Variants in ZFHX3 observed in about 807,000 individuals in gnomAD.
ZFHX3 encodes the protein zinc finger homeobox protein 3.
Under a neutral mutation model 279.1 loss-of-function variants are expected in ZFHX3, and 42 were observed. The ratio of observed to expected loss-of-function variants is 0.15; its 90% CI spans 0.12 to 0.19. ZFHX3 has a LOEUF of 0.19. Ranked by LOEUF, ZFHX3 falls within the 10% of genes least tolerant of loss-of-function variation. The pLI, the probability that ZFHX3 is intolerant of heterozygous loss-of-function variation, is 1.00. For missense variants in ZFHX3, 4,981 were observed against 4,754.0 expected (o/e 1.05, Z -1.40); for synonymous variants, 2,293 against 1,957.8 (o/e 1.17, Z -4.52).
chr16:73,206,793 G>T (rs1346956185), intron 5 of ZFHX3, among the ~76,000 whole-genome samples: 1 of 152,012 alleles, frequency 6.6e-6, no homozygotes, highest in African/African-American at 2.4e-5. Context: ...CGAGGCGGGT[G>T]GATCACTTGG....
At chr16:72,846,756 G>A (rs1036096166) in intron 4 of ZFHX3, among the ~76,000 whole-genome samples, 8 of 152,208 alleles carry the variant, frequency 5.3e-5, no homozygotes, top group African/African-American at 1.4e-4. Flanking sequence ...GTGCAGATAC[G>A]GATGTGGCTG....
At chr16:73,761,216 A>G (rs2053862665) in intron 1 of ZFHX3, among the ~76,000 whole-genome samples, 1 of 152,090 alleles carries the variant, frequency 6.6e-6, no homozygotes, top group South Asian at 2.1e-4. Context: ...TCAAATCATG[A>G]ATGAACTCCC....
intron 2 of ZFHX3, among the ~76,000 whole-genome samples, chr16:73,592,394 T>C (rs1291456584): frequency 1.3e-5 from 2 of 152,186 alleles, no homozygotes; most frequent in African/African-American, 4.8e-5. Flanking sequence ...TAAGATATTA[T>C]GATTGACAGT....
chr16:72,904,367 A>AAAATAAATAAAT (rs200166214), intron 3 of ZFHX3, among the ~76,000 whole-genome samples: 21 of 140,072 alleles, frequency 1.5e-4, no homozygotes, highest in East Asian at 6.3e-4. Flanking sequence ...ATTCTGTCTC[A>AAAATAAATAAAT]AAATAAATAA....
chr16:73,302,346 A>G (rs1001909728), intron 4 of ZFHX3, among the ~76,000 whole-genome samples: 1 of 151,736 alleles, frequency 6.6e-6, no homozygotes, highest in African/African-American at 2.4e-5. Context: ...CAGCAACCTT[A>G]CAGAAACTTC....
intron 1 of ZFHX3, among the ~76,000 whole-genome samples, chr16:73,694,163 A>G (rs757669090): frequency 1.3e-5 from 2 of 151,886 alleles, no homozygotes; most frequent in Non-Finnish European, 2.9e-5. Context: ...TCTCTACCAA[A>G]AATATAAAAA....
At position 73,323,038 on chromosome 16, in the gene ZFHX3, T is replaced by C. The variant is rs894410297; in HGVS notation, c.-1290-4702A>G. ...ATGAAGAGCTGCAGCGGAGACCCTG[T>C]GGCCTGTTTAAAATATTTACTCTCT... On this transcript the variant is annotated intron_variant, in intron 3 of 17. Coordinates refer to the ZFHX3 transcript ENST00000641206. Among the ~76,000 whole-genome samples the C allele has an allele frequency of 1.8e-4, 27 of 152,342 alleles. 1 individual carries two copies. The South Asian group carries it at 2.5e-3, about 14-fold the overall frequency.
At chr16:73,227,884 C>G (rs2012653321) in intron 5 of ZFHX3, among the ~76,000 whole-genome samples, 1 of 139,784 alleles carries the variant, frequency 7.2e-6, no homozygotes, top group South Asian at 2.3e-4. Flanking sequence ...GACATCGAAG[C>G]TGAAACAACA....
intron 1 of ZFHX3, among the ~76,000 whole-genome samples, chr16:73,830,271 G>A (rs896044413): frequency 6.9e-4 from 99 of 143,028 alleles, no homozygotes; most frequent in African/African-American, 2.4e-3. Flanking sequence ...GCTCGCGCAC[G>A]GTGCGCACAC....
intron 5 of ZFHX3, among the ~76,000 whole-genome samples, chr16:73,197,808 GTT>G (rs1373917342): frequency 6.6e-6 from 1 of 150,400 alleles, no homozygotes; most frequent in African/African-American, 2.4e-5. Context: ...GTGCTTTTCA[GTT>G]TATGGTTATT....
intron 2 of ZFHX3, among the ~76,000 whole-genome samples, chr16:73,573,080 A>G (rs1036624388): frequency 6.6e-6 from 1 of 152,186 alleles, no homozygotes; most frequent in Non-Finnish European, 1.5e-5. Context: ...GTATATTCAT[A>G]CAACACACCT....
chr16:73,459,604 G>T (rs1463966761), intron 2 of ZFHX3, among the ~76,000 whole-genome samples: 2 of 152,174 alleles, frequency 1.3e-5, no homozygotes, highest in African/African-American at 4.8e-5. Flanking sequence ...CTGGCCTCAA[G>T]TGATCTGCCC....
chr16:72,927,217 A>G (rs996909236), intron 3 of ZFHX3, among the ~76,000 whole-genome samples: 10 of 152,242 alleles, frequency 6.6e-5, no homozygotes, highest in African/African-American at 2.4e-4. Flanking sequence ...TTCCATTTTT[A>G]AACAGTAGTA....
At chr16:72,800,241 G>A (rs2036054705) in intron 7 of ZFHX3, 112 bp from the exon 8 acceptor site, 3 of 822,154 alleles carry the variant, frequency 3.6e-6, no homozygotes, top group South Asian at 1.6e-5. Context: ...AAAGCTAGAG[G>A]TGTCTCACTT....
chr16:73,120,446 T>A (rs1238491810), intron 7 of ZFHX3, among the ~76,000 whole-genome samples: 2 of 151,844 alleles, frequency 1.3e-5, no homozygotes, highest in Non-Finnish European at 2.9e-5. Flanking sequence ...TTCATATTTT[T>A]ATTTTTTTGT....
At chr16:73,105,573 C>T (rs1398089444) in intron 7 of ZFHX3, among the ~76,000 whole-genome samples, 1 of 151,566 alleles carries the variant, frequency 6.6e-6, no homozygotes, top group Non-Finnish European at 1.5e-5. Context: ...GCCAACATGG[C>T]AAAACCCCAT....
chr16:73,088,613 C>T (rs990215417), intron 8 of ZFHX3, among the ~76,000 whole-genome samples: 2 of 152,148 alleles, frequency 1.3e-5, no homozygotes, highest in African/African-American at 4.8e-5. Context: ...GAGTTCCATG[C>T]TCAGGCAAGT....
chr16:73,277,740 C>T (rs115264911), intron 4 of ZFHX3, among the ~76,000 whole-genome samples: 1 of 152,088 alleles, frequency 6.6e-6, no homozygotes, highest in African/African-American at 2.4e-5. Context: ...CTATAATACT[C>T]GGGACTGAGT....
intron 1 of ZFHX3, among the ~76,000 whole-genome samples, chr16:73,033,531 G>A (rs117458916): frequency 0.13 from 19,510 of 150,840 alleles, 1,688 homozygotes; most frequent in Non-Finnish European, 0.19. Context: ...GGGCAGGCGG[G>A]GGGTGGGGGG....
Sources: gnomAD v4.1 joint callset for allele counts (sites outside exome capture counted in the v4.1 genomes callset) on GRCh38, gnomAD v4.1.1 for gene constraint, MANE v1.5 for transcripts, NCBI Gene and HGNC (gene_info 2026-07-23, HGNC 2026-07-21) for gene names.